Variants in SLC22A25 observed in about 807,000 individuals in gnomAD.
SLC22A25 encodes solute carrier family 22 member 25.
SLC22A25 carries 44 observed loss-of-function variants against 45.9 expected under a neutral mutation model. That is an observed-to-expected ratio of 0.96 (90% confidence interval 0.75 to 1.23). SLC22A25 has a LOEUF of 1.23. Among genes scored for constraint, SLC22A25 ranks in the 50% most tolerant of loss-of-function variants. The pLI, the probability that SLC22A25 is intolerant of heterozygous loss-of-function variation, is 0.00. For missense variants in SLC22A25, 800 were observed against 666.4 expected (o/e 1.20, Z -2.21); for synonymous variants, 283 against 238.6 (o/e 1.19, Z -1.72).
chr11:63,180,150 AT>A (rs2088266735), intron 9 of SLC22A25, among the ~76,000 whole-genome samples: 1 of 152,042 alleles, frequency 6.6e-6, no homozygotes, highest in Non-Finnish European at 1.5e-5. Context: ...TCATAGAAGT[AT>A]TTTTGTCCAG....
At chr11:63,191,371 A>G (rs924183616) in intron 7 of SLC22A25, among the ~76,000 whole-genome samples, 2 of 152,204 alleles carry the variant, frequency 1.3e-5, no homozygotes, top group African/African-American at 4.8e-5. Context: ...ATCTCCTGGT[A>G]TGCCGTTTGC....
intron 7 of SLC22A25, among the ~76,000 whole-genome samples, chr11:63,197,540 G>T (rs2089087238): frequency 6.6e-6 from 1 of 152,086 alleles, no homozygotes; most frequent in Admixed American, 6.6e-5. Context: ...GCTAAAACTG[G>T]ATCCCTTCCT....
chr11:63,187,985 G>C (rs755492416), intron 7 of SLC22A25, among the ~76,000 whole-genome samples: 4 of 152,178 alleles, frequency 2.6e-5, no homozygotes, highest in Admixed American at 6.5e-5. Context: ...AGGTTCATCA[G>C]GGATATTGGT....
chr11:63,210,338 G>A (rs1292268556), intron 7 of SLC22A25, among the ~76,000 whole-genome samples: 1 of 152,192 alleles, frequency 6.6e-6, no homozygotes, highest in Non-Finnish European at 1.5e-5. Flanking sequence ...TATAGCTGCT[G>A]CACTAGCAGA....
At chr11:63,226,195 T>A (rs752813689) in intron 5 of SLC22A25, among the ~76,000 whole-genome samples, 1 of 152,168 alleles carries the variant, frequency 6.6e-6, no homozygotes, top group African/African-American at 2.4e-5. Context: ...GGTCTTGATG[T>A]TTGTGGATGC....
Position 63,160,947 on chromosome 11 carries a change from T to G in SLC22A25, c.*2877A>C, listed in dbSNP as rs901625312. 4.6e-5 allele frequency among the ~76,000 whole-genome samples: 7 copies of G among 152,182 alleles called. No individual in the cohort carries two copies. The highest frequency in any genetic ancestry group is 3.2e-3 in the Middle Eastern group (1 of 316). ...CAGTTTGGAGGTTCCTCAAAAAAAT[T>G]AAAAGTAAAGCTAACATTTGACCCA... On this transcript the variant is annotated 3_prime_UTR_variant, in exon 12 of 12. Transcript: ENST00000306494.
intron 7 of SLC22A25, among the ~76,000 whole-genome samples, chr11:63,216,193 A>G (rs2089706027): frequency 6.6e-6 from 1 of 152,214 alleles, no homozygotes. Flanking sequence ...CACTAATCAG[A>G]ATGGCTATTA....
chr11:63,164,134 T>C (rs2087598391), intron 11 of SLC22A25, 61 bp from the exon 12 acceptor site: 1 of 1,520,354 alleles, frequency 6.6e-7, no homozygotes, highest in Admixed American at 2.2e-5. Flanking sequence ...AATTTGTGAT[T>C]TATCATTTTG....
At chr11:63,204,880 C>G (rs2089353707) in intron 7 of SLC22A25, among the ~76,000 whole-genome samples, 1 of 152,022 alleles carries the variant, frequency 6.6e-6, no homozygotes, top group Non-Finnish European at 1.5e-5. Context: ...ACCACATCAC[C>G]CTTACTCTAA....
At chr11:63,175,189 C>G (rs1590791594) in intron 9 of SLC22A25, among the ~76,000 whole-genome samples, 1 of 152,238 alleles carries the variant, frequency 6.6e-6, no homozygotes, top group East Asian at 1.9e-4. Context: ...CTACTGCTTT[C>G]CATAGGGGCT....
Position 63,188,656 on chromosome 11 carries a change from C to T in SLC22A25, c.831-4839G>A, listed in dbSNP as rs561524582. The stretch of plus-strand genomic sequence containing the variant: ...CGGTGTTAGGGTGTCAATTTTGGAT[C>T]TTTCCTGCTTTCTCTTGTGGGCATG... On this transcript the variant is annotated intron_variant, in intron 7 of 11. Transcript: ENST00000306494. 2.0e-5 allele frequency among the ~76,000 whole-genome samples: 3 copies of T among 152,306 alleles called. No individual in the cohort carries two copies. In the East Asian group the frequency reaches 5.8e-4, roughly 29 times the overall value.
chr11:63,232,697 C>T (rs144055204), intron 3 of SLC22A25, among the ~76,000 whole-genome samples: 3,283 of 152,106 alleles, frequency 0.022, 118 homozygotes, highest in African/African-American at 0.075. Context: ...AGAGAGGGCA[C>T]CCCTGTAGTG....
chr11:63,198,978 G>C (rs2089151099), intron 7 of SLC22A25, among the ~76,000 whole-genome samples: 1 of 151,940 alleles, frequency 6.6e-6, no homozygotes, highest in East Asian at 1.9e-4. Flanking sequence ...TTAACAACCT[G>C]ACATCACAAC....
chr11:63,239,439 A>G (rs1355021341), intron 1 of SLC22A25, among the ~76,000 whole-genome samples: 1 of 152,210 alleles, frequency 6.6e-6, no homozygotes, highest in African/African-American at 2.4e-5. Context: ...TCAACCTTTG[A>G]TCTCCACATT....
chr11:63,176,143 T>A (rs2088081119), intron 9 of SLC22A25, among the ~76,000 whole-genome samples: 1 of 152,024 alleles, frequency 6.6e-6, no homozygotes, highest in Admixed American at 6.6e-5. Flanking sequence ...TGTTTTGAAA[T>A]CAGGTGGTTG....
At chr11:63,186,044 T>G (rs1220174831) in intron 7 of SLC22A25, among the ~76,000 whole-genome samples, 1 of 151,914 alleles carries the variant, frequency 6.6e-6, no homozygotes, top group African/African-American at 2.4e-5. Context: ...TTTATAATCC[T>G]TTGGGTATAT....
intron 7 of SLC22A25, among the ~76,000 whole-genome samples, chr11:63,184,971 C>T (rs10792404): frequency 0.49 from 74,663 of 151,900 alleles, 18,940 homozygotes; most frequent in African/African-American, 0.6. Flanking sequence ...ATGAAGTTCA[C>T]TGAGCTACAG....
intron 3 of SLC22A25, among the ~76,000 whole-genome samples, chr11:63,235,040 C>A (rs538379458): frequency 4.6e-5 from 7 of 152,162 alleles, no homozygotes; most frequent in African/African-American, 1.4e-4. Flanking sequence ...TGTGGGTAAC[C>A]TGACCTTTCT....
chr11:63,212,103 C>G (rs2089583753), intron 7 of SLC22A25, among the ~76,000 whole-genome samples: 2 of 152,104 alleles, frequency 1.3e-5, no homozygotes, highest in Admixed American at 1.3e-4. Context: ...AAATGCAAAT[C>G]AAAACCACAA....
Sources: gnomAD v4.1 joint callset for allele counts (sites outside exome capture counted in the v4.1 genomes callset) on GRCh38, gnomAD v4.1.1 for gene constraint, MANE v1.5 for transcripts, NCBI Gene and HGNC (gene_info 2026-07-23, HGNC 2026-07-21) for gene names.